LRP1B: variants seen among roughly 807,000 people sequenced by gnomAD.
The protein encoded by LRP1B is LDL receptor related protein 1B.
A neutral mutation model predicts 556.6 loss-of-function variants in LRP1B; 217 were observed. That is an observed-to-expected ratio of 0.39 (90% CI 0.35 to 0.44). The LOEUF (loss-of-function observed/expected upper bound fraction) is 0.44. Among genes scored for constraint, LRP1B ranks in the 20% least tolerant of loss-of-function variants. The probability of loss-of-function intolerance (pLI) is 1.00; values close to 1 mark genes in which losing one functional copy is unlikely to be tolerated. For missense variants in LRP1B, 5,053 were observed against 5,620.8 expected, an observed-to-expected ratio of 0.90 and a Z score of 3.23; for synonymous variants, 2,047 against 1,865.8, an observed-to-expected ratio of 1.10 and a Z score of -2.50.
At chr2:141,971,584 G>A (rs889469568) in intron 1 of LRP1B, among the ~76,000 whole-genome samples, 15 of 151,268 alleles carry the variant, frequency 9.9e-5, no homozygotes, top group Non-Finnish European at 1.8e-4. Context: ...GGATTTTGTC[G>A]ATGGTAACAT....
At chr2:140,540,407 AGCT>A (rs1680090981) in intron 45 of LRP1B, among the ~76,000 whole-genome samples, 1 of 152,136 alleles carries the variant, frequency 6.6e-6, no homozygotes, top group Admixed American at 6.6e-5. Context: ...TTGGAAACTT[AGCT>A]GTTAATAAGT....
intron 2 of LRP1B, among the ~76,000 whole-genome samples, chr2:141,526,147 G>C (rs1293569119): frequency 1.3e-5 from 2 of 151,926 alleles, no homozygotes; most frequent in African/African-American, 4.8e-5. Context: ...GTCTCCTTAG[G>C]TTACAGAAAC....
In LRP1B at chr2:141,286,686, T is replaced by C. The variant is rs1314416871; in HGVS notation, c.344-32045A>G. 15 of 444,188 alleles carry C rather than the reference T, an allele frequency of 3.4e-5. No individual in the cohort carries two copies. The Admixed American group carries it at 3.6e-4, about 11-fold the overall frequency. 27.5% of individuals were successfully genotyped at this position (444,188 alleles called of 1,614,324 possible). ...TTAAAAGATACAAGAATATTCAGAT[T>C]TTATTTCATCTGGAGTTAGTTTTGC... On this transcript the variant is annotated intron_variant, in intron 3 of 90. Coordinates refer to ENST00000389484, the MANE Select transcript of LRP1B (RefSeq NM_018557.3).
chr2:141,897,874 G>T (rs562104939), intron 1 of LRP1B, among the ~76,000 whole-genome samples: 1 of 152,164 alleles, frequency 6.6e-6, no homozygotes, highest in Admixed American at 6.5e-5. Flanking sequence ...GTGCAAAAAG[G>T]ATTGTGCATA....
chr2:140,432,380 G>A (rs76836769), intron 66 of LRP1B, among the ~76,000 whole-genome samples: 15,321 of 152,244 alleles, frequency 0.1, 1,098 homozygotes, highest in East Asian at 0.32. Flanking sequence ...CTGTTTGGTG[G>A]TCTCTTCACA....
intron 2 of LRP1B, among the ~76,000 whole-genome samples, chr2:141,572,572 C>T (rs1686569707): frequency 6.6e-6 from 1 of 152,136 alleles, no homozygotes. Context: ...ATCAAGTTCA[C>T]ACATAACAAC....
At chr2:141,881,697 C>T (rs927779946) in intron 1 of LRP1B, among the ~76,000 whole-genome samples, 23 of 151,708 alleles carry the variant, frequency 1.5e-4, no homozygotes, top group Non-Finnish European at 3.1e-4. Context: ...GAAAAACTAC[C>T]TACCTTTGAA....
At chr2:140,862,386 T>C (rs1692825812) in intron 27 of LRP1B, among the ~76,000 whole-genome samples, 1 of 152,230 alleles carries the variant, frequency 6.6e-6, no homozygotes, top group African/African-American at 2.4e-5. Flanking sequence ...ATTTCCCATA[T>C]GACTGCTTTC....
intron 3 of LRP1B, among the ~76,000 whole-genome samples, chr2:141,388,351 G>A (rs1033561925): frequency 8.5e-5 from 13 of 152,090 alleles, no homozygotes; most frequent in African/African-American, 2.2e-4. Flanking sequence ...CAAGAGAATC[G>A]CTTGAACCCG....
chr2:141,880,501 CTAA>C (rs1463227907), intron 1 of LRP1B, among the ~76,000 whole-genome samples: 1 of 151,454 alleles, frequency 6.6e-6, no homozygotes, highest in African/African-American at 2.4e-5. Context: ...CAACAAAAAA[CTAA>C]TAATAATGTA....
At chr2:140,269,203 C>T in intron 86 of LRP1B, 2 of 460,660 alleles carry the variant, frequency 4.3e-6, no homozygotes, top group Non-Finnish European at 9.0e-6. Flanking sequence ...ATGATTTAAA[C>T]CAATGAACTG....
At chr2:141,322,917 T>C in intron 3 of LRP1B, among the ~76,000 whole-genome samples, 1 of 152,118 alleles carries the variant, frequency 6.6e-6, no homozygotes, top group East Asian at 1.9e-4. Context: ...AAAATTGCAG[T>C]CCTATAACTT....
rs376669833 is a variant in LRP1B, at chr2:140,328,714, C to A, written c.12224-2836G>T. ...GGAGCCAAAAAAGCTGGATACATAC[C>A]ATTATGTCAAATTTATTTTAAAAAA... On this transcript the variant is annotated intron_variant, in intron 79 of 90. Coordinates refer to ENST00000389484, the MANE Select transcript of LRP1B (RefSeq NM_018557.3). 7.0e-4 allele frequency among the ~76,000 whole-genome samples: 107 copies of A among 152,050 alleles called. 1 individual carries two copies. The South Asian group carries it at 0.022, about 31-fold the overall frequency.
At position 140,231,769 on chromosome 2, in the gene LRP1B, T is replaced by C. The variant is rs539702665; in HGVS notation, c.*1417A>G. 6.6e-6 allele frequency: 1 copy of C among 151,662 alleles called. No individual in the cohort carries two copies. The highest frequency in any genetic ancestry group is 1.5e-5 in the Non-Finnish European group (1 of 67,506). 9.4% of individuals were successfully genotyped at this position (151,662 alleles called of 1,614,324 possible). The stretch of plus-strand genomic sequence containing the variant: ...CAAAGGGATAAAGAGCAACCACATA[T>C]TTAACATATTTCATCTGTTAGGTTA... On this transcript the variant is annotated 3_prime_UTR_variant, in exon 91 of 91. Transcript: ENST00000389484.
chr2:141,648,860 C>G (rs1033195988), intron 2 of LRP1B, among the ~76,000 whole-genome samples: 3 of 152,206 alleles, frequency 2.0e-5, no homozygotes, highest in African/African-American at 7.2e-5. Flanking sequence ...CCATTCTGGT[C>G]ATGCCTGAAT....
At chr2:141,450,153 T>C (rs1383412761) in intron 3 of LRP1B, among the ~76,000 whole-genome samples, 1 of 152,116 alleles carries the variant, frequency 6.6e-6, no homozygotes, top group Non-Finnish European at 1.5e-5. Flanking sequence ...GAGAAAGAGA[T>C]AGGGAGATAG....
chr2:141,707,679 G>T (rs148376130), intron 2 of LRP1B, among the ~76,000 whole-genome samples: 148 of 152,266 alleles, frequency 9.7e-4, no homozygotes, highest in African/African-American at 3.5e-3. Context: ...CAAGCACTTT[G>T]TTATATCCTG....
At chr2:141,708,305 A>G (rs1692226891) in intron 2 of LRP1B, among the ~76,000 whole-genome samples, 1 of 152,102 alleles carries the variant, frequency 6.6e-6, no homozygotes, top group African/African-American at 2.4e-5. Flanking sequence ...CAAAGGGGTG[A>G]TAGAACAACA....
chr2:141,202,013 A>G (rs900541532), intron 6 of LRP1B, among the ~76,000 whole-genome samples: 1 of 152,200 alleles, frequency 6.6e-6, no homozygotes, highest in African/African-American at 2.4e-5. Context: ...GGTTTGTTAC[A>G]CAGGTAAACA....
Sources: gnomAD v4.1 joint callset for allele counts (sites outside exome capture counted in the v4.1 genomes callset) on GRCh38, gnomAD v4.1.1 for gene constraint, MANE v1.5 for transcripts, NCBI Gene and HGNC (gene_info 2026-07-23, HGNC 2026-07-21) for gene names.